Variants in TAF1B observed in about 807,000 individuals in gnomAD.
TAF1B encodes TATA box-binding protein-associated factor RNA polymerase I subunit B.
A neutral mutation model predicts 83.9 loss-of-function variants in TAF1B; 61 were observed. The ratio of observed to expected loss-of-function variants is 0.73; its 90% CI spans 0.59 to 0.90. The LOEUF is 0.90. Among genes scored for constraint, TAF1B ranks in the 40% least tolerant of loss-of-function variants. TAF1B has a pLI of 0.00. For missense variants in TAF1B, 625 were observed against 677.0 expected, an observed-to-expected ratio of 0.92 and a Z score of 0.85; for synonymous variants, 221 against 224.6, an observed-to-expected ratio of 0.98 and a Z score of 0.14.
At chr2:9,843,472 G>C, upstream of TAF1B, 4 of 1,512,308 alleles carry the variant, frequency 2.6e-6, no homozygotes, top group East Asian at 2.7e-5. Flanking sequence ...AGCTTCTCCA[G>C]CCTTTCCCGG....
At chr2:9,903,269 TA>T (rs1271833161) in intron 8 of TAF1B, among the ~76,000 whole-genome samples, 1 of 151,978 alleles carries the variant, frequency 6.6e-6, no homozygotes, top group East Asian at 1.9e-4. Flanking sequence ...GTATTTTTAG[TA>T]GAGAGGGGGT....
chr2:9,886,849 G>A (rs1253528933), intron 8 of TAF1B, among the ~76,000 whole-genome samples: 5 of 152,150 alleles, frequency 3.3e-5, no homozygotes, highest in Non-Finnish European at 7.3e-5. Flanking sequence ...GGCGGATCGC[G>A]AGGTCAGGAG....
At chr2:9,927,689 A>G (rs1666084152) in intron 14 of TAF1B, among the ~76,000 whole-genome samples, 1 of 152,192 alleles carries the variant, frequency 6.6e-6, no homozygotes, top group African/African-American at 2.4e-5. Flanking sequence ...GTGTCTGTTC[A>G]TATCCTTTGC....
chr2:9,864,334 T>C (rs550906724), intron 5 of TAF1B, among the ~76,000 whole-genome samples: 3 of 152,004 alleles, frequency 2.0e-5, no homozygotes, highest in South Asian at 4.2e-4. Flanking sequence ...AACTAGAGAA[T>C]CTAGAAGAAA....
At chr2:9,846,073 A>G (rs965010043) in intron 2 of TAF1B, 12 of 471,086 alleles carry the variant, frequency 2.5e-5, no homozygotes, top group Middle Eastern at 3.3e-4. Context: ...ACAGATTACA[A>G]AGTTTTTGGA....
intron 7 of TAF1B, 73 bp from the exon 8 acceptor site, chr2:9,882,632 AT>A: frequency 1.1e-6 from 1 of 912,442 alleles, no homozygotes; most frequent in South Asian, 2.6e-5. Flanking sequence ...GAATTAAGAG[AT>A]TTTTCTTAAA....
intron 8 of TAF1B, among the ~76,000 whole-genome samples, chr2:9,900,520 A>G (rs1437846179): frequency 6.6e-6 from 1 of 152,184 alleles, no homozygotes; most frequent in Admixed American, 6.5e-5. Flanking sequence ...TGGGCAATAG[A>G]GTGAGACCCT....
chr2:9,882,109 C>CT (rs756368455), intron 7 of TAF1B, among the ~76,000 whole-genome samples: 214 of 144,362 alleles, frequency 1.5e-3, no homozygotes, highest in South Asian at 1.8e-3. Context: ...TTCTTGAACA[C>CT]TTTTTTTTTT....
intron 5 of TAF1B, among the ~76,000 whole-genome samples, chr2:9,859,620 A>G (rs1261632021): frequency 6.6e-6 from 1 of 152,072 alleles, no homozygotes; most frequent in Non-Finnish European, 1.5e-5. Flanking sequence ...ACTCCTGACC[A>G]CAGGTCAGGC....
intron 5 of TAF1B, among the ~76,000 whole-genome samples, chr2:9,865,918 C>T (rs1392813060): frequency 6.6e-6 from 1 of 151,248 alleles, no homozygotes; most frequent in Non-Finnish European, 1.5e-5. Context: ...TTCCTTACAC[C>T]TTATACAAAA....
intron 8 of TAF1B, among the ~76,000 whole-genome samples, chr2:9,894,922 A>C (rs1288089618): frequency 1.3e-5 from 2 of 152,226 alleles, no homozygotes; most frequent in Admixed American, 1.3e-4. Context: ...GCTATGCAAC[A>C]ATCAGCAGAG....
intron 14 of TAF1B, among the ~76,000 whole-genome samples, chr2:9,924,685 G>C (rs185184599): frequency 3.3e-5 from 5 of 152,306 alleles, no homozygotes; most frequent in Non-Finnish European, 7.3e-5. Context: ...GACAACCATT[G>C]AAAATGATTA....
chr2:9,857,405 G>A (rs575450427), intron 5 of TAF1B, among the ~76,000 whole-genome samples: 1 of 152,310 alleles, frequency 6.6e-6, no homozygotes. Context: ...CGGATTGGAT[G>A]TGAGAGAAAG....
intron 8 of TAF1B, among the ~76,000 whole-genome samples, chr2:9,888,077 G>T (rs1664734298): frequency 6.6e-6 from 1 of 152,140 alleles, no homozygotes; most frequent in African/African-American, 2.4e-5. Context: ...GCTTAATTAA[G>T]AATTTTTTAA....
chr2:9,925,208 G>C (rs1012090071), intron 14 of TAF1B, among the ~76,000 whole-genome samples: 1 of 152,160 alleles, frequency 6.6e-6, no homozygotes, highest in Non-Finnish European at 1.5e-5. Context: ...TTGGGAGGCC[G>C]AGGTGGGCGG....
chr2:9,893,493 C>T (rs965769885), intron 8 of TAF1B, among the ~76,000 whole-genome samples: 9 of 152,090 alleles, frequency 5.9e-5, no homozygotes, highest in African/African-American at 1.7e-4. Flanking sequence ...CTGCAAGCAA[C>T]GTGAATGAAC....
chr2:9,883,165 G>GA (rs1664565611), intron 8 of TAF1B, among the ~76,000 whole-genome samples: 1 of 152,152 alleles, frequency 6.6e-6, no homozygotes, highest in Non-Finnish European at 1.5e-5. Flanking sequence ...TGCTATGGAA[G>GA]AAAGAGAAGA....
Position 9,925,217 on chromosome 2 carries a change from G to A in TAF1B, c.1565+5397G>A, listed in dbSNP as rs186130356. Among the ~76,000 whole-genome samples the A allele has an allele frequency of 2.7e-3, 413 of 152,262 alleles. 2 individuals carry two copies. The highest frequency in any genetic ancestry group is 9.4e-3 in the African/African-American group (390 of 41,550). ...AGCACTTTGGGAGGCCGAGGTGGGC[G>A]GATTACGAGGTCAGGAGATCGAGAC... is the stretch of plus-strand genomic sequence containing the variant. On this transcript the variant is annotated intron_variant, in intron 14 of 14. Coordinates refer to ENST00000263663, the MANE Select transcript of TAF1B (RefSeq NM_005680.3).
At chr2:9,875,345 C>T (rs1664291322) in intron 6 of TAF1B, among the ~76,000 whole-genome samples, 1 of 152,106 alleles carries the variant, frequency 6.6e-6, no homozygotes, top group Non-Finnish European at 1.5e-5. Context: ...TATTCTAGTC[C>T]TTTATTACTC....
Sources: gnomAD v4.1 joint callset for allele counts (sites outside exome capture counted in the v4.1 genomes callset) on GRCh38, gnomAD v4.1.1 for gene constraint, MANE v1.5 for transcripts, NCBI Gene and HGNC (gene_info 2026-07-23, HGNC 2026-07-21) for gene names.